The following ENOX1 variants were observed in gnomAD, a reference collection of about 807,000 sequenced individuals.
ENOX1 encodes candidate growth-related and time keeping constitutive hydroquinone (NADH) oxidase.
ENOX1 carries 42 observed loss-of-function variants against 82.5 expected under a neutral mutation model. The observed-to-expected ratio is 0.51, with a 90% confidence interval of 0.40 to 0.66. The LOEUF (loss-of-function observed/expected upper bound fraction) is 0.66, where lower values mean the gene tolerates loss of function less well. Among genes scored for constraint, ENOX1 ranks in the 30% least tolerant of loss-of-function variants. The pLI, the probability that ENOX1 is intolerant of heterozygous loss-of-function variation, is 0.00. For missense variants in ENOX1, 608 were observed against 811.6 expected, an observed-to-expected ratio of 0.75 and a Z score of 3.05; for synonymous variants, 271 against 282.2, an observed-to-expected ratio of 0.96 and a Z score of 0.40.
intron 2 of ENOX1, among the ~76,000 whole-genome samples, chr13:43,661,195 T>C (rs564629191): frequency 2.0e-5 from 3 of 152,334 alleles, no homozygotes; most frequent in South Asian, 4.1e-4. Context: ...ACTGAAATAA[T>C]TGTCTTTATA....
chr13:43,253,238 C>T (rs1001306807), intron 14 of ENOX1, among the ~76,000 whole-genome samples: 27 of 152,180 alleles, frequency 1.8e-4, no homozygotes, highest in African/African-American at 6.5e-4. Flanking sequence ...CGCAGGGCAC[C>T]ACGACACTTA....
intron 1 of ENOX1, among the ~76,000 whole-genome samples, chr13:43,733,964 C>G (rs913909965): frequency 6.6e-6 from 1 of 151,854 alleles, no homozygotes; most frequent in Non-Finnish European, 1.5e-5. Flanking sequence ...GCTCCTGCCC[C>G]CCAACCAAAA....
chr13:43,303,611 A>G (rs527753526), intron 11 of ENOX1, among the ~76,000 whole-genome samples: 2 of 152,076 alleles, frequency 1.3e-5, no homozygotes, highest in Non-Finnish European at 2.9e-5. Context: ...GAGTCACCAC[A>G]TGGAGGAAAG....
chr13:43,537,978 T>C (rs1250641350), intron 2 of ENOX1, among the ~76,000 whole-genome samples: 6 of 152,200 alleles, frequency 3.9e-5, no homozygotes, highest in Non-Finnish European at 7.3e-5. Context: ...AACCACACAA[T>C]AGTCCTGCCT....
chr13:43,326,322 G>A (rs1593950447), intron 10 of ENOX1, 97 bp downstream of exon 10: 1 of 967,840 alleles, frequency 1.0e-6, no homozygotes, highest in African/African-American at 1.6e-5. Context: ...CAGGCGGACT[G>A]CCCACTATAA....
intron 2 of ENOX1, among the ~76,000 whole-genome samples, chr13:43,609,394 C>T (rs1431127789): frequency 1.3e-5 from 2 of 152,244 alleles, no homozygotes; most frequent in South Asian, 2.1e-4. Flanking sequence ...AAAGTAGTCA[C>T]TGTGGCTGTA....
At chr13:43,364,862 G>GAGAGT (rs2050749288) in intron 5 of ENOX1, among the ~76,000 whole-genome samples, 1 of 152,212 alleles carries the variant, frequency 6.6e-6, no homozygotes, top group Admixed American at 6.5e-5. Flanking sequence ...AGGACACAGA[G>GAGAGT]AGAGTCCAGG....
intron 2 of ENOX1, among the ~76,000 whole-genome samples, chr13:43,560,849 C>T (rs2079637235): frequency 6.6e-6 from 1 of 152,116 alleles, no homozygotes; most frequent in African/African-American, 2.4e-5. Flanking sequence ...AGTGAAAATC[C>T]TGCTGAGTTT....
chr13:43,363,376 AACATGATTACTCATCTAAT>A (rs2050647275), intron 5 of ENOX1, among the ~76,000 whole-genome samples: 2 of 152,170 alleles, frequency 1.3e-5, no homozygotes, highest in Non-Finnish European at 1.5e-5. Context: ...AGAATGACCC[AACATGATTACTCATCTAAT>A]ACATGCCACT....
chr13:43,240,741 G>T (rs539777575), intron 14 of ENOX1, among the ~76,000 whole-genome samples: 1 of 152,198 alleles, frequency 6.6e-6, no homozygotes, highest in Admixed American at 6.5e-5. Flanking sequence ...TTTGGAGGAA[G>T]TAGGATTAGC....
At chr13:43,421,507 G>A (rs2054973442) in intron 3 of ENOX1, among the ~76,000 whole-genome samples, 1 of 152,112 alleles carries the variant, frequency 6.6e-6, no homozygotes. Context: ...CTAAATCAGG[G>A]ACCATCTGTG....
chr13:43,707,195 A>T (rs142468710), intron 1 of ENOX1, among the ~76,000 whole-genome samples: 1,923 of 152,314 alleles, frequency 0.013, 15 homozygotes, highest in Middle Eastern at 0.031. Context: ...GAGAAAAAAC[A>T]TAATAACAAA....
At chr13:43,770,677 A>T (rs1416839839) in intron 1 of ENOX1, among the ~76,000 whole-genome samples, 1 of 132,986 alleles carries the variant, frequency 7.5e-6, no homozygotes, top group African/African-American at 2.9e-5. Flanking sequence ...CATATAGTAT[A>T]CGTATGTGTA....
intron 16 of ENOX1, among the ~76,000 whole-genome samples, chr13:43,215,917 C>A (rs1002694512): frequency 6.6e-6 from 1 of 152,180 alleles, no homozygotes; most frequent in East Asian, 1.9e-4. Context: ...GGGACTTAGG[C>A]CGGGCGTTGT....
At chr13:43,326,752 G>A (rs1486496190) in intron 9 of ENOX1, among the ~76,000 whole-genome samples, 7 of 152,160 alleles carry the variant, frequency 4.6e-5, no homozygotes, top group South Asian at 4.1e-4. Flanking sequence ...AAGTATGACC[G>A]GGAGAAGGGC....
chr13:43,466,841 G>C (rs1566294578), intron 3 of ENOX1, among the ~76,000 whole-genome samples: 1 of 151,970 alleles, frequency 6.6e-6, no homozygotes, highest in Non-Finnish European at 1.5e-5. Context: ...TCAACTTTCT[G>C]TCCCTGTGAA....
At chr13:43,581,895 G>A (rs1048344239) in intron 2 of ENOX1, among the ~76,000 whole-genome samples, 1 of 152,068 alleles carries the variant, frequency 6.6e-6, no homozygotes, top group Non-Finnish European at 1.5e-5. Flanking sequence ...TTAAAAAAAG[G>A]AACTATACAG....
chr13:43,214,246 G>A (rs2041342333), intron 16 of ENOX1, 125 bp from the exon 17 acceptor site: 5 of 931,454 alleles, frequency 5.4e-6, no homozygotes, highest in East Asian at 2.6e-5. Flanking sequence ...GCTGTCAGGG[G>A]GATGTCCTTA....
At chr13:43,654,625 T>C (rs1417879991) in intron 2 of ENOX1, among the ~76,000 whole-genome samples, 2 of 152,224 alleles carry the variant, frequency 1.3e-5, no homozygotes, top group Non-Finnish European at 2.9e-5. Context: ...TGCTTTGCAG[T>C]GCAGAATTTA....
Sources: gnomAD v4.1 joint callset for allele counts (sites outside exome capture counted in the v4.1 genomes callset) on GRCh38, gnomAD v4.1.1 for gene constraint, MANE v1.5 for transcripts, NCBI Gene and HGNC (gene_info 2026-07-23, HGNC 2026-07-21) for gene names.